The following CDH13 variants were observed in gnomAD, a reference collection of about 807,000 sequenced individuals.
CDH13 encodes the protein cadherin 13, also known as cadherin-13.
Under a neutral mutation model 63.8 loss-of-function variants are expected in CDH13, and 24 were observed. That is an observed-to-expected ratio of 0.38 (90% CI 0.27 to 0.53). The LOEUF (loss-of-function observed/expected upper bound fraction) is 0.53. Ranked by LOEUF, CDH13 falls within the 20% of genes least tolerant of loss-of-function variation. The probability of loss-of-function intolerance (pLI) is 0.85; values close to 1 mark genes in which losing one functional copy is unlikely to be tolerated. For synonymous variants in CDH13, 503 were observed against 355.3 expected, an observed-to-expected ratio of 1.42 and a Z score of -4.67; for missense variants, 1,049 against 903.1, an observed-to-expected ratio of 1.16 and a Z score of -2.07.
intron 1 of CDH13, among the ~76,000 whole-genome samples, chr16:82,815,939 A>G (rs2037684844): frequency 6.6e-6 from 1 of 152,178 alleles, no homozygotes; most frequent in Non-Finnish European, 1.5e-5. Flanking sequence ...CGTGTTTAGG[A>G]CTGATAAAAT....
In CDH13 at chr16:83,247,292, A is replaced by C. The variant is rs1433101499; in HGVS notation, c.636+29795A>C. ...GAGTACATGTTCTGCACCAGACATA[A>C]TTTACATGGAGGCTTGGGGAGAATA... On this transcript the variant is annotated intron_variant, in intron 5 of 13. Coordinates refer to ENST00000567109, the MANE Select transcript of CDH13 (RefSeq NM_001257.5). Among the ~76,000 whole-genome samples, 4 of 152,276 alleles carry C rather than the reference A, an allele frequency of 2.6e-5. No individual in the cohort carries two copies. The South Asian group carries it at 8.3e-4, about 32-fold the overall frequency.
chr16:83,058,568 T>A (rs1567789738), intron 3 of CDH13, among the ~76,000 whole-genome samples: 1 of 152,236 alleles, frequency 6.6e-6, no homozygotes, highest in Non-Finnish European at 1.5e-5. Flanking sequence ...TGGTGAGGGC[T>A]GGACTTTAGG....
At position 83,313,666 on chromosome 16, in the gene CDH13, A is replaced by AAAT. The variant is rs1555528954; in HGVS notation, c.637-31196_637-31195insAAT. Among the ~76,000 whole-genome samples, 182 of 144,270 alleles carry AAAT rather than the reference A, an allele frequency of 1.3e-3. 11 individuals are homozygous for AAAT. Among genetic ancestry groups the AAAT allele is most frequent in the African/African-American group, 3.3e-3 (130 of 39,582 alleles). 94.6% of individuals were successfully genotyped at this position (144,270 alleles called of 152,430 possible). A position where few individuals can be genotyped will look rare whatever the true frequency, so the allele number is the denominator to read the frequency against. On this transcript the variant is annotated intron_variant, in intron 5 of 13. Transcript: ENST00000567109. ...TGTAAAAAAAAAAAAAAAAAAAAAAAGGGAGGTCCTTGGTATTACCAATTT... is the reference window on the plus strand; with the variant it reads ...TGTAAAAAAAAAAAAAAAAAAAAAAAAATGGGAGGTCCTTGGTATTACCAATTT...
At chr16:83,223,661 C>T (rs147929075) in intron 5 of CDH13, among the ~76,000 whole-genome samples, 229 of 152,352 alleles carry the variant, frequency 1.5e-3, no homozygotes, top group African/African-American at 4.8e-3. Context: ...TCACTTCCAT[C>T]CAGTCTCACG....
At chr16:82,832,390 A>T (rs755664313) in intron 1 of CDH13, among the ~76,000 whole-genome samples, 14 of 152,298 alleles carry the variant, frequency 9.2e-5, no homozygotes, top group Non-Finnish European at 2.9e-5. Context: ...TACAGCAAGT[A>T]GGTACTTACG....
At chr16:83,161,859 C>T (rs2037461113) in intron 4 of CDH13, among the ~76,000 whole-genome samples, 1 of 152,160 alleles carries the variant, frequency 6.6e-6, no homozygotes, top group African/African-American at 2.4e-5. Flanking sequence ...AAACAACCCA[C>T]CGTAGTTATT....
At chr16:82,858,240 C>G in intron 1 of CDH13, 122 bp from the exon 2 acceptor site, 1 of 636,812 alleles carries the variant, frequency 1.6e-6, no homozygotes, top group South Asian at 2.0e-5. Context: ...TTCAACTTAC[C>G]TCTTCATTTG....
chr16:82,785,344 C>T (rs750611456), intron 1 of CDH13, among the ~76,000 whole-genome samples: 1 of 152,154 alleles, frequency 6.6e-6, no homozygotes, highest in South Asian at 2.1e-4. Context: ...TTTTCCTCTG[C>T]AGTTTTATGG....
intron 2 of CDH13, among the ~76,000 whole-genome samples, chr16:82,937,893 A>C (rs1282171719): frequency 2.0e-5 from 3 of 152,334 alleles, no homozygotes; most frequent in African/African-American, 4.8e-5. Context: ...TGGAGGTAAA[A>C]ATATTTTTAA....
intron 4 of CDH13, among the ~76,000 whole-genome samples, chr16:83,147,829 T>C (rs1392155940): frequency 6.6e-6 from 1 of 152,186 alleles, no homozygotes; most frequent in Admixed American, 6.5e-5. Flanking sequence ...TCTTGGTCTC[T>C]GGCTCTGAGC....
intron 5 of CDH13, among the ~76,000 whole-genome samples, chr16:83,322,709 G>C (rs772818617): frequency 6.6e-6 from 1 of 152,050 alleles, no homozygotes; most frequent in Non-Finnish European, 1.5e-5. Context: ...ACATCTAGAC[G>C]TTCTTTTACT....
At chr16:83,584,225 A>G (rs1905921187) in intron 7 of CDH13, among the ~76,000 whole-genome samples, 1 of 152,120 alleles carries the variant, frequency 6.6e-6, no homozygotes, top group South Asian at 2.1e-4. Context: ...CAAACTAAGG[A>G]GGCTGAGGCA....
chr16:82,979,938 G>A (rs978555648), intron 2 of CDH13, among the ~76,000 whole-genome samples: 7 of 152,194 alleles, frequency 4.6e-5, no homozygotes, highest in South Asian at 2.1e-4. Context: ...CTTGGGTCAT[G>A]TTTAAGTAAG....
intron 2 of CDH13, among the ~76,000 whole-genome samples, chr16:83,030,175 A>T (rs1471160882): frequency 2.0e-5 from 3 of 152,056 alleles, no homozygotes; most frequent in African/African-American, 7.2e-5. Flanking sequence ...CATGGCAGGA[A>T]CTTTGCTCAC....
chr16:83,580,448 TTCTCTC>T (rs55664829), intron 7 of CDH13, among the ~76,000 whole-genome samples: 2,826 of 75,746 alleles, frequency 0.037, 77 homozygotes, highest in Middle Eastern at 0.06. Flanking sequence ...TTCTGTTCAT[TTCTCTC>T]TCTCTCTCTC....
intron 2 of CDH13, among the ~76,000 whole-genome samples, chr16:83,027,222 C>T (rs1915902024): frequency 6.6e-6 from 1 of 150,994 alleles, no homozygotes; most frequent in South Asian, 2.1e-4. Context: ...GAAAAACATG[C>T]TGTTCATTGC....
At chr16:83,507,831 G>T (rs564572209) in intron 7 of CDH13, among the ~76,000 whole-genome samples, 2 of 141,374 alleles carry the variant, frequency 1.4e-5, no homozygotes, top group East Asian at 2.3e-4. Flanking sequence ...TCAGGAGTTC[G>T]ATGCCAGCCT....
At position 82,789,184 on chromosome 16, in the gene CDH13, A is replaced by G. The variant is rs569490380; in HGVS notation, c.46-69178A>G. On this transcript the variant is annotated intron_variant, in intron 1 of 13. Transcript: ENST00000567109. The stretch of plus-strand genomic sequence containing the variant: ...GGTGCCCTGGAGGGGTTGAAGGGCC[A>G]TTCTTGGTCATCCAGTCTCTGTGTG... Among the ~76,000 whole-genome samples the G allele has an allele frequency of 7.0e-4, 106 of 152,308 alleles. 1 individual carries two copies. The highest frequency in any genetic ancestry group is 2.5e-3 in the African/African-American group (102 of 41,574).
intron 1 of CDH13, among the ~76,000 whole-genome samples, chr16:82,833,054 C>T (rs887871565): frequency 1.3e-5 from 2 of 152,094 alleles, no homozygotes; most frequent in Non-Finnish European, 2.9e-5. Flanking sequence ...ACCTTTTTAC[C>T]CTGAAATGAG....
Sources: allele counts gnomAD v4.1 joint callset (sites outside exome capture counted in the v4.1 genomes callset), GRCh38; gene constraint gnomAD v4.1.1; transcripts MANE v1.5; gene names NCBI Gene and HGNC (gene_info 2026-07-23, HGNC 2026-07-21).